The following DYNC2H1 variants were observed in gnomAD, a reference collection of about 807,000 sequenced individuals.
The protein encoded by DYNC2H1 is dynein cytoplasmic 2 heavy chain 1.
DYNC2H1 carries 410 observed loss-of-function variants against 570.0 expected under a neutral mutation model. The ratio of observed to expected loss-of-function variants is 0.72; its 90% confidence interval spans 0.66 to 0.78. The LOEUF (loss-of-function observed/expected upper bound fraction) is 0.78. Ranked by LOEUF, DYNC2H1 falls within the 30% of genes least tolerant of loss-of-function variation. DYNC2H1 has a pLI of 0.00. For synonymous variants in DYNC2H1, 1,688 were observed against 1,677.6 expected (o/e 1.01, Z -0.15); for missense variants, 4,865 against 5,046.4 (o/e 0.96, Z 1.09).
rs1012674349 is a variant in DYNC2H1 at position 103,243,951 on chromosome 11, A to T, written c.9918+160A>T. 6.6e-5 allele frequency among the ~76,000 whole-genome samples: 10 copies of T among 150,740 alleles called. No homozygotes were observed. The highest frequency in any genetic ancestry group is 2.4e-4 in the African/African-American group (10 of 41,420). On this transcript the variant is annotated intron_variant, in intron 64 of 88. Transcript: ENST00000375735. This position sits in a 1 kb window ranked among gnomAD's most constrained non-coding sequence, Gnocchi z 4.8. ...CTTAGCTTCAGTTTTCTAATTTGTA[A>T]AAAATAGATAAGAATATTTATTTGA...
At chr11:103,402,850 G>A (rs1258734237) in intron 84 of DYNC2H1, 2 of 151,994 alleles carry the variant, frequency 1.3e-5, no homozygotes, top group Non-Finnish European at 2.9e-5. Flanking sequence ...TACCAATACA[G>A]GAATAAGTGG....
At chr11:103,429,539 C>A (rs1481983969) in intron 84 of DYNC2H1, among the ~76,000 whole-genome samples, 1 of 152,118 alleles carries the variant, frequency 6.6e-6, no homozygotes, top group Non-Finnish European at 1.5e-5. Flanking sequence ...GATTAAACTA[C>A]AATCTGCTCT....
intron 68 of DYNC2H1, among the ~76,000 whole-genome samples, chr11:103,257,083 T>C (rs1242070449): frequency 6.6e-6 from 1 of 152,110 alleles, no homozygotes; most frequent in African/African-American, 2.4e-5. Context: ...AGTGTAATAG[T>C]ATTAAGAGGT....
intron 62 of DYNC2H1, 95 bp from the exon 63 acceptor site, chr11:103,236,335 A>G (rs1591453119): frequency 3.8e-6 from 3 of 794,780 alleles, no homozygotes; most frequent in South Asian, 1.5e-5. Context: ...AAGGACTGTC[A>G]TAGGACTTTT....
chr11:103,278,567 T>C (rs567039065), intron 70 of DYNC2H1, among the ~76,000 whole-genome samples: 52 of 152,262 alleles, frequency 3.4e-4, no homozygotes, highest in Admixed American at 2.4e-3. Flanking sequence ...GTGTGGGTTC[T>C]TTTTTCTTTT....
intron 85 of DYNC2H1, among the ~76,000 whole-genome samples, chr11:103,441,815 G>C (rs535863822): frequency 1.2e-4 from 19 of 152,010 alleles, no homozygotes; most frequent in Non-Finnish European, 2.6e-4. Context: ...GATCTCAAAT[G>C]TAAAAAGCAA....
chr11:103,251,212 A>C (rs1009550788), intron 65 of DYNC2H1, among the ~76,000 whole-genome samples: 1 of 152,110 alleles, frequency 6.6e-6, no homozygotes, highest in African/African-American at 2.4e-5. Flanking sequence ...TATTAGATGC[A>C]TACATTTTTG....
At chr11:103,215,991 T>A in intron 55 of DYNC2H1, 133 bp downstream of exon 55, 1 of 1,153,002 alleles carries the variant, frequency 8.7e-7, no homozygotes, top group Non-Finnish European at 1.2e-6. Flanking sequence ...AGACTGATAT[T>A]ATGTCCTTAA....
In DYNC2H1 at chr11:103,177,949, C is replaced by A. The variant is rs1861695155; in HGVS notation, c.6139+129C>A. 3 of 1,086,908 alleles carry A rather than the reference C, an allele frequency of 2.8e-6. No individual in the cohort carries two copies. The highest frequency in any genetic ancestry group is 3.4e-5 in the African/African-American group (2 of 59,542). 67.3% of individuals were successfully genotyped at this position (1,086,908 alleles called of 1,614,324 possible). A position where few individuals can be genotyped will look rare whatever the true frequency, so the allele number is the denominator to read the frequency against. ...GTCATAATTAAGTTAAAATGATGTACATTTGATATTTTACTTTGGAGGGGG... is the reference window on the plus strand; with the variant it reads ...GTCATAATTAAGTTAAAATGATGTAAATTTGATATTTTACTTTGGAGGGGG... On this transcript the variant is annotated intron_variant, in intron 38 of 88. Transcript: ENST00000375735. The surrounding 1 kb of genome is among the most constrained non-coding windows in gnomAD (Gnocchi z 4.4).
intron 4 of DYNC2H1, among the ~76,000 whole-genome samples, chr11:103,115,573 G>A (rs1339052988): frequency 6.6e-6 from 1 of 152,120 alleles, no homozygotes; most frequent in Non-Finnish European, 1.5e-5. Flanking sequence ...CGAGGTGGGT[G>A]GATCACTTGA....
chr11:103,190,265 T>C (rs77474152), intron 45 of DYNC2H1, among the ~76,000 whole-genome samples: 36 of 152,294 alleles, frequency 2.4e-4, no homozygotes, highest in African/African-American at 8.4e-4. Flanking sequence ...AAGTAGGCAT[T>C]GAGGATACAC....
chr11:103,160,705 T>C (rs190693659), intron 28 of DYNC2H1, among the ~76,000 whole-genome samples: 24 of 152,142 alleles, frequency 1.6e-4, no homozygotes, highest in Admixed American at 1.2e-3. Flanking sequence ...AGATAGATAT[T>C]GATAAGAAAT....
intron 85 of DYNC2H1, among the ~76,000 whole-genome samples, chr11:103,444,188 A>G (rs949111532): frequency 7.3e-5 from 11 of 151,700 alleles, no homozygotes; most frequent in African/African-American, 2.4e-4. Context: ...TTATCAATCT[A>G]TTTCTTGAAC....
chr11:103,347,720 C>A lies in DYNC2H1; in HGVS notation c.12040-10523C>A, dbSNP rs149717583. Among the ~76,000 whole-genome samples the A allele has an allele frequency of 5.3e-3, 810 of 152,104 alleles. 3 individuals are homozygous for A. Among genetic ancestry groups the A allele is most frequent in the Middle Eastern group, 0.01 (3 of 294 alleles). On this transcript the variant is annotated intron_variant, in intron 82 of 88. Coordinates refer to ENST00000375735, the MANE Select transcript of DYNC2H1 (RefSeq NM_001377.3). ...ACATGTATGTTCTTGACCTTGTCAC[C>A]CACCTTTTAGTACTTTCTTTTACAC...
rs541286594 is a variant in DYNC2H1, at chr11:103,267,128, C to T, written c.10695+7151C>T. 1.1e-4 allele frequency among the ~76,000 whole-genome samples: 16 copies of T among 152,118 alleles called. No homozygotes were observed. The East Asian group carries it at 2.9e-3, about 28-fold the overall frequency. On this transcript the variant is annotated intron_variant, in intron 70 of 88. Coordinates refer to ENST00000375735, the MANE Select transcript of DYNC2H1 (RefSeq NM_001377.3). The stretch of plus-strand genomic sequence containing the variant: ...CTGCCCGGGTTCCAGAGGCCTGTGG[C>T]GAGAAAAGGTTGCATCTTGCCGGTT...
intron 84 of DYNC2H1, chr11:103,407,753 T>A (rs1369985357): frequency 6.6e-6 from 1 of 151,990 alleles, no homozygotes; most frequent in East Asian, 1.9e-4. Context: ...TATTTGATGT[T>A]GAAGCCTGAG....
chr11:103,460,811 A>G (rs886189995), intron 87 of DYNC2H1, among the ~76,000 whole-genome samples: 1 of 151,932 alleles, frequency 6.6e-6, no homozygotes, highest in Non-Finnish European at 1.5e-5. Flanking sequence ...ATGTTTTCAT[A>G]TAAAGTTCTG....
Position 103,186,104 on chromosome 11 carries a change from A to G in DYNC2H1, c.6634-138A>G. On this transcript the variant is annotated intron_variant, in intron 41 of 88. Coordinates refer to ENST00000375735, the MANE Select transcript of DYNC2H1 (RefSeq NM_001377.3). This position sits in a 1 kb window ranked among gnomAD's most constrained non-coding sequence, Gnocchi z 4.5. ...ATATTTGAGATAAAATGTTACATTA[A>G]TGATAAAATAGGTTTAGTTTATGTA... 1.3e-6 allele frequency: 1 copy of G among 783,326 alleles called. No individual in the cohort carries two copies. Among genetic ancestry groups the G allele is most frequent in the Non-Finnish European group, 2.0e-6 (1 of 508,730 alleles). 48.5% of individuals were successfully genotyped at this position (783,326 alleles called of 1,614,324 possible). A position where few individuals can be genotyped will look rare whatever the true frequency, so the allele number is the denominator to read the frequency against.
chr11:103,162,962 C>T, intron 29 of DYNC2H1, 66 bp from the exon 30 acceptor site: 1 of 1,406,370 alleles, frequency 7.1e-7, no homozygotes, highest in Non-Finnish European at 9.8e-7. Flanking sequence ...TATTTTATGT[C>T]TTATATATAT....
Sources: allele counts gnomAD v4.1 joint callset (sites outside exome capture counted in the v4.1 genomes callset), GRCh38; gene constraint gnomAD v4.1.1; non-coding constraint Gnocchi (gnomAD v3.1); transcripts MANE v1.5; gene names NCBI Gene and HGNC (gene_info 2026-07-23, HGNC 2026-07-21).